CFAP221: variants seen among roughly 807,000 people sequenced by gnomAD.
The protein encoded by CFAP221 is cilia- and flagella-associated protein 221.
Under a neutral mutation model 113.1 loss-of-function variants are expected in CFAP221, and 97 were observed. The ratio of observed to expected loss-of-function variants is 0.86; its 90% CI spans 0.73 to 1.02. The LOEUF (loss-of-function observed/expected upper bound fraction) is 1.02. CFAP221 is among the 50% of genes least tolerant of loss of function. CFAP221 has a pLI of 0.00. For missense variants in CFAP221, 1,025 were observed against 1,013.4 expected, an observed-to-expected ratio of 1.01 and a Z score of -0.16; for synonymous variants, 331 against 354.4, an observed-to-expected ratio of 0.93 and a Z score of 0.74.
intron 3 of CFAP221, among the ~76,000 whole-genome samples, chr2:119,557,734 C>CT (rs1359310291): frequency 1.3e-5 from 2 of 152,134 alleles, no homozygotes; most frequent in African/African-American, 4.8e-5. Context: ...GGCACGGTGG[C>CT]TTACGCCTGT....
intron 6 of CFAP221, among the ~76,000 whole-genome samples, chr2:119,586,164 C>T (rs954024267): frequency 3.3e-5 from 5 of 152,094 alleles, no homozygotes; most frequent in Non-Finnish European, 5.9e-5. Context: ...AAAGATGAAG[C>T]TGGCTGGTGG....
chr2:119,589,890 A>G (rs1683481100), intron 7 of CFAP221: 1 of 152,214 alleles, frequency 6.6e-6, no homozygotes, highest in Non-Finnish European at 1.5e-5. Context: ...AAACTTCAAG[A>G]ACACTCTGTT....
intron 14 of CFAP221, among the ~76,000 whole-genome samples, chr2:119,617,626 G>A (rs953709016): frequency 9.2e-5 from 14 of 152,114 alleles, no homozygotes; most frequent in African/African-American, 2.9e-4. Flanking sequence ...CCAATGTGTC[G>A]CCAGCCAATT....
intron 6 of CFAP221, among the ~76,000 whole-genome samples, chr2:119,567,047 C>G (rs1457531860): frequency 6.6e-6 from 1 of 152,088 alleles, no homozygotes; most frequent in Non-Finnish European, 1.5e-5. Flanking sequence ...ATCTCCCTGC[C>G]CCATGCATGC....
At chr2:119,566,287 C>T (rs544576079) in intron 6 of CFAP221, among the ~76,000 whole-genome samples, 94 of 152,298 alleles carry the variant, frequency 6.2e-4, no homozygotes, top group Middle Eastern at 3.4e-3. Context: ...AAAAGTGAGT[C>T]GGCTTTTGCA....
At chr2:119,640,337 G>T (rs1368168343) in intron 21 of CFAP221, among the ~76,000 whole-genome samples, 1 of 152,166 alleles carries the variant, frequency 6.6e-6, no homozygotes, top group African/African-American at 2.4e-5. Context: ...TGAGACCATG[G>T]CAATCCCCAC....
At chr2:119,613,140 G>A (rs1685294481) in intron 13 of CFAP221, among the ~76,000 whole-genome samples, 2 of 152,224 alleles carry the variant, frequency 1.3e-5, no homozygotes, top group Admixed American at 1.3e-4. Flanking sequence ...GCAAGGGATG[G>A]GCTCCCATAG....
At chr2:119,614,482 T>TA (rs1685393150) in intron 13 of CFAP221, among the ~76,000 whole-genome samples, 1 of 152,160 alleles carries the variant, frequency 6.6e-6, no homozygotes, top group Non-Finnish European at 1.5e-5. Flanking sequence ...TCAGGAAACT[T>TA]ACAGTCATAG....
intron 6 of CFAP221, among the ~76,000 whole-genome samples, chr2:119,582,304 A>T (rs1682900852): frequency 6.6e-6 from 1 of 152,188 alleles, no homozygotes; most frequent in Non-Finnish European, 1.5e-5. Context: ...TTGTTGTTTA[A>T]GCTAAAACTA....
At position 119,577,350 on chromosome 2, in the gene CFAP221, C is replaced by T. The variant is rs576252756; in HGVS notation, c.528-9769C>T. ...GAATTTTGAGGAGACACAAACAGTC[C>T]ATAGTGGGATGTTATAGTCCTTTTT... On this transcript the variant is annotated intron_variant, in intron 6 of 23. Transcript: ENST00000413369. Among the ~76,000 whole-genome samples the T allele has an allele frequency of 1.6e-4, 25 of 152,302 alleles. No individual in the cohort carries two copies. The South Asian group carries it at 4.1e-3, about 25-fold the overall frequency.
Position 119,656,525 on chromosome 2 carries a change from C to A in CFAP221, c.*55C>A. 4 of 1,243,122 alleles carry A rather than the reference C, an allele frequency of 3.2e-6. No homozygotes were observed. The highest frequency in any genetic ancestry group is 4.7e-6 in the Non-Finnish European group (4 of 855,330). The allele number at this position is 1,243,122 out of a possible 1,614,324, so 77.0% of individuals were successfully genotyped here. ...TGCTTTCCGTGGGCCACTGTGGCCC[C>A]TTGCGTCCATTTACATGCCAGCCAT... is the stretch of plus-strand genomic sequence containing the variant. On this transcript the variant is annotated 3_prime_UTR_variant, in exon 24 of 24. Coordinates refer to ENST00000413369, the MANE Select transcript of CFAP221 (RefSeq NM_001271049.2).
At chr2:119,601,181 G>A in intron 7 of CFAP221, 37 bp from the exon 8 acceptor site, 1 of 1,482,144 alleles carries the variant, frequency 6.7e-7, no homozygotes, top group Non-Finnish European at 9.0e-7. Context: ...TTGGCAAGAA[G>A]AGAGGGTATC....
chr2:119,545,510 C>A (rs1254506264), intron 1 of CFAP221, among the ~76,000 whole-genome samples: 4 of 152,148 alleles, frequency 2.6e-5, no homozygotes, highest in Non-Finnish European at 5.9e-5. Context: ...AGCTGGAATA[C>A]CCCCATGTCT....
chr2:119,656,898 G>A (rs911823957), downstream of CFAP221, among the ~76,000 whole-genome samples: 1 of 152,078 alleles, frequency 6.6e-6, no homozygotes, highest in Non-Finnish European at 1.5e-5. Context: ...ATGAATGCTG[G>A]CTCCCCACAT....
At chr2:119,567,305 C>A (rs955385935) in intron 6 of CFAP221, among the ~76,000 whole-genome samples, 1 of 152,182 alleles carries the variant, frequency 6.6e-6, no homozygotes, top group Non-Finnish European at 1.5e-5. Flanking sequence ...CCACTGGCAA[C>A]CACTGTTTAT....
intron 20 of CFAP221, among the ~76,000 whole-genome samples, chr2:119,639,245 C>T (rs1291143221): frequency 3.3e-5 from 5 of 152,150 alleles, no homozygotes; most frequent in Non-Finnish European, 7.3e-5. Flanking sequence ...CGTGGGTCCC[C>T]GCTGCCTGCT....
chr2:119,566,926 A>G (rs934627085), intron 6 of CFAP221, among the ~76,000 whole-genome samples: 1 of 151,818 alleles, frequency 6.6e-6, no homozygotes, highest in Non-Finnish European at 1.5e-5. Context: ...AACCATTTTT[A>G]TGACTATTTA....
At chr2:119,608,620 G>T in intron 12 of CFAP221, 31 bp downstream of exon 12, 1 of 1,562,046 alleles carries the variant, frequency 6.4e-7, no homozygotes. Context: ...GCTATCATTT[G>T]TTTCGCTAGA....
rs1029374497 is a variant in CFAP221, at chr2:119,654,167, A to G, written c.2414+2098A>G. On this transcript the variant is annotated intron_variant, in intron 23 of 23. Transcript: ENST00000413369. ...TAGTTCCAGAGACCTGCAGCAGCCA[A>G]CACTGCTCAGAAAACAGATTGGCAG... Among the ~76,000 whole-genome samples, 3 of 152,226 alleles carry G rather than the reference A, an allele frequency of 2.0e-5. No individual in the cohort carries two copies. In the East Asian group the frequency reaches 5.8e-4, roughly 29 times the overall value.
Sources: gnomAD v4.1 joint callset for allele counts (sites outside exome capture counted in the v4.1 genomes callset) on GRCh38, gnomAD v4.1.1 for gene constraint, MANE v1.5 for transcripts, NCBI Gene and HGNC (gene_info 2026-07-23, HGNC 2026-07-21) for gene names.